Variants in DCC observed in about 807,000 individuals in gnomAD.
DCC encodes the protein DCC netrin 1 receptor.
DCC carries 58 observed loss-of-function variants against 172.5 expected under a neutral mutation model. The observed-to-expected ratio is 0.34, with a 90% CI of 0.27 to 0.42. DCC has a LOEUF of 0.42. DCC is among the 10% of genes least tolerant of loss of function. The pLI is 1.00. For missense variants in DCC, 1,740 were observed against 1,791.0 expected (o/e 0.97, Z 0.51); for synonymous variants, 709 against 644.5 (o/e 1.10, Z -1.52).
At chr18:53,225,888 T>C (rs770639401) in intron 12 of DCC, among the ~76,000 whole-genome samples, 1 of 151,964 alleles carries the variant, frequency 6.6e-6, no homozygotes, top group Non-Finnish European at 1.5e-5. Context: ...GAAGAACGGG[T>C]CAGGGGGATT....
At chr18:52,753,464 T>C (rs1036609681) in intron 2 of DCC, among the ~76,000 whole-genome samples, 4 of 152,130 alleles carry the variant, frequency 2.6e-5, no homozygotes, top group Non-Finnish European at 5.9e-5. Flanking sequence ...TATTAGAAAA[T>C]ATAATTTGCT....
intron 15 of DCC, among the ~76,000 whole-genome samples, chr18:53,350,759 T>C (rs1332101387): frequency 6.6e-6 from 1 of 152,084 alleles, no homozygotes; most frequent in Non-Finnish European, 1.5e-5. Context: ...AAACTTTATA[T>C]TGTGGTCATT....
At chr18:53,479,199 C>T (rs1377977040) in intron 25 of DCC, among the ~76,000 whole-genome samples, 1 of 152,200 alleles carries the variant, frequency 6.6e-6, no homozygotes, top group African/African-American at 2.4e-5. Flanking sequence ...GAAATGATCT[C>T]ATTACCTAAT....
intron 1 of DCC, among the ~76,000 whole-genome samples, chr18:52,535,411 T>C (rs76675219): frequency 8.6e-4 from 131 of 152,312 alleles, no homozygotes; most frequent in African/African-American, 3.0e-3. Flanking sequence ...AATCCTTGCC[T>C]AAGTCCTTAT....
chr18:53,018,836 T>G lies in DCC; in HGVS notation c.986-44469T>G, dbSNP rs578244863. Among the ~76,000 whole-genome samples the G allele has an allele frequency of 6.6e-5, 10 of 152,308 alleles. 1 individual carries two copies. The South Asian group carries it at 1.7e-3, about 25-fold the overall frequency. On this transcript the variant is annotated intron_variant, in intron 5 of 28. Transcript: ENST00000442544. ...AACTGAAATAATTGCATTTGGACTT[T>G]CCTACATATACTATCTTTATATATA...
chr18:53,429,054 T>TATTTTATATAATATATATTTTATATAA lies in DCC; in HGVS notation c.3164-6090_3164-6089insATTTTATATAATATATATTTTATATAA, dbSNP rs775486111. On this transcript the variant is annotated intron_variant, in intron 21 of 28. Transcript: ENST00000442544. The stretch of plus-strand genomic sequence containing the variant: ...TAATATATATTTTATATATAATATA[T>TATTTTATATAATATATATTTTATATAA]TATATATTTTATATATAATATATAT... 5.3e-3 allele frequency among the ~76,000 whole-genome samples: 185 copies of TATTTTATATAATATATATTTTATATAA among 35,178 alleles called. 56 individuals carry two copies. The Middle Eastern group carries it at 0.058, about 11-fold the overall frequency. 23.1% of individuals were successfully genotyped at this position (35,178 alleles called of 152,430 possible). A position where few individuals can be genotyped will look rare whatever the true frequency, so the allele number is the denominator to read the frequency against.
chr18:52,601,637 A>T (rs1747848807), intron 1 of DCC, among the ~76,000 whole-genome samples: 1 of 152,070 alleles, frequency 6.6e-6, no homozygotes, highest in African/African-American at 2.4e-5. Context: ...ATAGCTTACC[A>T]AAATTGCAGC....
chr18:52,483,420 C>T (rs957461381), intron 1 of DCC, among the ~76,000 whole-genome samples: 1 of 151,888 alleles, frequency 6.6e-6, no homozygotes, highest in Non-Finnish European at 1.5e-5. Context: ...TTACCTTGCA[C>T]TTTTTTAATG....
intron 2 of DCC, among the ~76,000 whole-genome samples, chr18:52,856,548 C>T (rs758093032): frequency 1.7e-4 from 24 of 143,550 alleles, no homozygotes; most frequent in Admixed American, 4.4e-4. Flanking sequence ...ATGGCGTGAA[C>T]CCGGGAGGCG....
intron 1 of DCC, among the ~76,000 whole-genome samples, chr18:52,700,468 T>C (rs75664475): frequency 0.013 from 1,922 of 152,306 alleles, 42 homozygotes; most frequent in African/African-American, 0.044. Flanking sequence ...AATTTTTCCC[T>C]GTCATGCTAC....
chr18:52,416,227 G>C (rs2144416801), intron 1 of DCC, among the ~76,000 whole-genome samples: 1 of 152,186 alleles, frequency 6.6e-6, no homozygotes, highest in South Asian at 2.1e-4. Flanking sequence ...ATTGCACTGT[G>C]GTCTGAGAGA....
At chr18:53,299,425 C>T (rs149964505) in intron 12 of DCC, among the ~76,000 whole-genome samples, 4 of 152,226 alleles carry the variant, frequency 2.6e-5, no homozygotes, top group African/African-American at 4.8e-5. Context: ...AGATGCTTGA[C>T]GTTGTCCTTA....
intron 12 of DCC, among the ~76,000 whole-genome samples, chr18:53,268,699 G>T (rs531781824): frequency 6.6e-6 from 1 of 152,118 alleles, no homozygotes; most frequent in Admixed American, 6.6e-5. Flanking sequence ...TGGAGGAATC[G>T]TGGTGCTGTC....
chr18:53,267,825 T>A (rs2144698873), intron 12 of DCC, among the ~76,000 whole-genome samples: 1 of 152,278 alleles, frequency 6.6e-6, no homozygotes, highest in South Asian at 2.1e-4. Flanking sequence ...CTTGTCAAGT[T>A]GAGTAGACAT....
intron 1 of DCC, among the ~76,000 whole-genome samples, chr18:52,590,878 T>C (rs2033783887): frequency 1.3e-5 from 2 of 152,264 alleles, no homozygotes; most frequent in Admixed American, 1.3e-4. Context: ...TTCTTTTTCC[T>C]AGTTAAAAGA....
Position 52,765,115 on chromosome 18 carries a change from G to A in DCC, c.412+12741G>A, listed in dbSNP as rs144600460. On this transcript the variant is annotated intron_variant, in intron 2 of 28. Transcript: ENST00000442544. ...GTGATCTCAGCTCACTGCAACCTCC[G>A]CCTCCCAGGTTCAAGCCAAGTAATT... Among the ~76,000 whole-genome samples the A allele has an allele frequency of 2.7e-3, 398 of 148,756 alleles. 1 individual carries two copies. The highest frequency in any genetic ancestry group is 0.014 in the Middle Eastern group (4 of 278).
At chr18:52,450,397 C>T (rs553532719) in intron 1 of DCC, among the ~76,000 whole-genome samples, 37 of 152,286 alleles carry the variant, frequency 2.4e-4, no homozygotes, top group African/African-American at 8.9e-4. Context: ...AGACTTTGAC[C>T]TGTAGACAAG....
At chr18:52,955,054 A>G (rs1327841052) in intron 5 of DCC, among the ~76,000 whole-genome samples, 23 of 152,164 alleles carry the variant, frequency 1.5e-4, no homozygotes, top group Admixed American at 1.5e-3. Flanking sequence ...ATATTGAGAC[A>G]TGATTATCAC....
intron 19 of DCC, among the ~76,000 whole-genome samples, chr18:53,403,606 AATT>A (rs1331129568): frequency 1.3e-5 from 2 of 152,350 alleles, no homozygotes; most frequent in East Asian, 3.8e-4. Context: ...CATAGCATAT[AATT>A]ATTATGAAAA....
Sources: gnomAD v4.1 joint callset for allele counts (sites outside exome capture counted in the v4.1 genomes callset) on GRCh38, gnomAD v4.1.1 for gene constraint, MANE v1.5 for transcripts, NCBI Gene and HGNC (gene_info 2026-07-23, HGNC 2026-07-21) for gene names.